KLHDC1: variants seen among roughly 807,000 people sequenced by gnomAD.
The protein encoded by KLHDC1 is kelch domain containing 1, also known as kelch domain-containing protein 1.
In KLHDC1, 53 loss-of-function variants were observed where a neutral mutation model predicts 68.3. The observed-to-expected ratio is 0.78, with a 90% CI of 0.62 to 0.98. The LOEUF (loss-of-function observed/expected upper bound fraction) is 0.98. Ranked by LOEUF, KLHDC1 falls within the 50% of genes least tolerant of loss-of-function variation. KLHDC1 has a pLI of 0.00. For missense variants in KLHDC1, 470 were observed against 492.3 expected (o/e 0.95, Z 0.43); for synonymous variants, 148 against 159.0 (o/e 0.93, Z 0.52).
chr14:49,705,228 C>T (rs1888016401), intron 1 of KLHDC1, among the ~76,000 whole-genome samples: 1 of 151,992 alleles, frequency 6.6e-6, no homozygotes, highest in Non-Finnish European at 1.5e-5. Flanking sequence ...TGAAAGGCAA[C>T]TTGAAGTTTC....
At chr14:49,704,353 T>G (rs1887987962) in intron 1 of KLHDC1, among the ~76,000 whole-genome samples, 1 of 151,600 alleles carries the variant, frequency 6.6e-6, no homozygotes, top group African/African-American at 2.4e-5. Context: ...TGTCTTCAAT[T>G]TATAGCTTGT....
At chr14:49,697,507 G>A (rs1887778931) in intron 1 of KLHDC1, among the ~76,000 whole-genome samples, 2 of 152,224 alleles carry the variant, frequency 1.3e-5, no homozygotes, top group Admixed American at 1.3e-4. Flanking sequence ...CAGACACGAA[G>A]TGAGCATCAC....
chr14:49,729,430 A>C (rs1888748342), intron 7 of KLHDC1, 60 bp from the exon 8 acceptor site: 2 of 1,144,312 alleles, frequency 1.7e-6, no homozygotes, highest in East Asian at 4.7e-5. Flanking sequence ...ACTTTAAAAG[A>C]AAAATTTTAG....
intron 10 of KLHDC1, among the ~76,000 whole-genome samples, chr14:49,735,038 G>A (rs1442930487): frequency 6.6e-6 from 1 of 152,040 alleles, no homozygotes; most frequent in Non-Finnish European, 1.5e-5. Context: ...GTTTTTGGAA[G>A]AGGTTTAAAG....
At chr14:49,693,393 T>TGGCGCCG in intron 1 of KLHDC1, 103 bp downstream of exon 1, 1 of 809,912 alleles carries the variant, frequency 1.2e-6, no homozygotes, top group Non-Finnish European at 1.7e-6. Context: ...GGCCCAGGCC[T>TGGCGCCG]GGCGCGCCCG....
intron 1 of KLHDC1, chr14:49,700,055 G>A: frequency 3.0e-6 from 1 of 337,202 alleles, no homozygotes; most frequent in Non-Finnish European, 5.6e-6. Context: ...TTTAGATGGA[G>A]TCTCGCTCTT....
intron 4 of KLHDC1, among the ~76,000 whole-genome samples, chr14:49,721,759 G>A (rs1888530197): frequency 6.6e-6 from 1 of 152,000 alleles, no homozygotes; most frequent in African/African-American, 2.4e-5. Context: ...AGAACTGTGG[G>A]AGATCTCTCC....
chr14:49,711,904 C>CTTT (rs1888211658), intron 4 of KLHDC1, among the ~76,000 whole-genome samples: 1 of 89,106 alleles, frequency 1.1e-5, no homozygotes, highest in African/African-American at 4.1e-5. Flanking sequence ...TTTCTTTTTT[C>CTTT]TTTTTCTTTT....
At chr14:49,701,673 C>G (rs1887910255) in intron 1 of KLHDC1, among the ~76,000 whole-genome samples, 1 of 151,072 alleles carries the variant, frequency 6.6e-6, no homozygotes, top group African/African-American at 2.4e-5. Context: ...AAAACAAAAA[C>G]AAAAAAATAC....
At chr14:49,714,868 TTA>T (rs1407058991) in intron 4 of KLHDC1, among the ~76,000 whole-genome samples, 1 of 147,752 alleles carries the variant, frequency 6.8e-6, no homozygotes, top group Non-Finnish European at 1.5e-5. Context: ...TCTTTATATA[TTA>T]TATATACTTT....
chr14:49,738,586 G>T (rs1230752793), intron 10 of KLHDC1, among the ~76,000 whole-genome samples: 1 of 152,098 alleles, frequency 6.6e-6, no homozygotes, highest in African/African-American at 2.4e-5. Context: ...CTGACCTTGT[G>T]ATCTGCCCAC....
intron 1 of KLHDC1, among the ~76,000 whole-genome samples, chr14:49,698,947 G>A (rs1228541278): frequency 1.3e-5 from 2 of 151,642 alleles, no homozygotes; most frequent in South Asian, 2.1e-4. Context: ...GGTGGATCAC[G>A]AGGGCAGGAG....
At chr14:49,695,206 T>A (rs905623260) in intron 1 of KLHDC1, among the ~76,000 whole-genome samples, 1 of 151,482 alleles carries the variant, frequency 6.6e-6, no homozygotes, top group African/African-American at 2.4e-5. Context: ...TTCTCCTGCC[T>A]CAGCCTCCTG....
At chr14:49,734,540 T>C in intron 9 of KLHDC1, 49 bp from the exon 10 acceptor site, 1 of 1,055,630 alleles carries the variant, frequency 9.5e-7, no homozygotes, top group South Asian at 1.7e-5. Context: ...AAATTAAAAT[T>C]GTATCCCAGA....
intron 4 of KLHDC1, among the ~76,000 whole-genome samples, chr14:49,715,890 C>G (rs895123664): frequency 1.3e-5 from 2 of 150,316 alleles, no homozygotes; most frequent in South Asian, 2.1e-4. Context: ...GGTTTGTTTT[C>G]TCATTTAAAT....
chr14:49,730,539 A>G (rs1888780368), intron 8 of KLHDC1, among the ~76,000 whole-genome samples: 1 of 152,138 alleles, frequency 6.6e-6, no homozygotes, highest in Non-Finnish European at 1.5e-5. Context: ...AATATTTTTA[A>G]AAGAGAGATG....
At chr14:49,723,161 G>A (rs1888578522) in intron 4 of KLHDC1, among the ~76,000 whole-genome samples, 2 of 149,826 alleles carry the variant, frequency 1.3e-5, no homozygotes, top group South Asian at 4.2e-4. Flanking sequence ...CTATCATGAG[G>A]TCAGGGAAAG....
intron 6 of KLHDC1, 71 bp downstream of exon 6, chr14:49,725,840 T>C: frequency 1.5e-5 from 12 of 789,238 alleles, no homozygotes; most frequent in Non-Finnish European, 2.0e-5. Context: ...GATTTTGGGT[T>C]TTTTTTTGTT....
intron 5 of KLHDC1, among the ~76,000 whole-genome samples, chr14:49,725,130 A>G (rs1417556965): frequency 6.6e-6 from 1 of 152,204 alleles, no homozygotes; most frequent in Non-Finnish European, 1.5e-5. Context: ...AGAGGATTTC[A>G]GCACCCTGGG....
Sources: allele counts gnomAD v4.1 joint callset (sites outside exome capture counted in the v4.1 genomes callset), GRCh38; gene constraint gnomAD v4.1.1; transcripts MANE v1.5; gene names NCBI Gene and HGNC (gene_info 2026-07-23, HGNC 2026-07-21).